The following PROM1 variants were observed in gnomAD, a reference collection of about 807,000 sequenced individuals.
PROM1 encodes the protein prominin 1, also known as prominin-1.
In PROM1, 105 loss-of-function variants were observed where a neutral mutation model predicts 116.9. The observed-to-expected ratio is 0.90, with a 90% CI of 0.77 to 1.06. The LOEUF is 1.06. Among genes scored for constraint, PROM1 ranks in the 50% least tolerant of loss-of-function variants. The pLI is 0.00. For synonymous variants in PROM1, 393 were observed against 387.0 expected, an observed-to-expected ratio of 1.02 and a Z score of -0.18; for missense variants, 1,122 against 1,045.2, an observed-to-expected ratio of 1.07 and a Z score of -1.01.
At chr4:16,051,898 T>C (rs1460433302) in intron 2 of PROM1, among the ~76,000 whole-genome samples, 1 of 152,176 alleles carries the variant, frequency 6.6e-6, no homozygotes, top group Non-Finnish European at 1.5e-5. Flanking sequence ...TCCAAGAAAC[T>C]TCCTAGAATC....
chr4:15,984,193 T>C (rs1186074616), intron 23 of PROM1, 70 bp downstream of exon 23: 31 of 1,208,178 alleles, frequency 2.6e-5, no homozygotes, highest in Non-Finnish European at 3.3e-5. Flanking sequence ...TTATAATGTA[T>C]ATCATAATCC....
chr4:15,978,063 C>T (rs1046666009), intron 26 of PROM1, among the ~76,000 whole-genome samples: 3 of 152,174 alleles, frequency 2.0e-5, no homozygotes, highest in Non-Finnish European at 2.9e-5. Context: ...CCCCAAGGAG[C>T]CAGCTTGCCC....
chr4:16,009,895 A>C (rs1377066342), intron 11 of PROM1, among the ~76,000 whole-genome samples: 1 of 140,334 alleles, frequency 7.1e-6, no homozygotes, highest in Non-Finnish European at 1.5e-5. Context: ...TGTGCCATTC[A>C]TTGTACTCCA....
intron 2 of PROM1, among the ~76,000 whole-genome samples, chr4:16,048,381 T>C (rs1415919695): frequency 6.6e-6 from 1 of 152,218 alleles, no homozygotes; most frequent in Non-Finnish European, 1.5e-5. Context: ...GGCTGTACTT[T>C]TCAGTTTCTC....
rs375795059 is a variant in PROM1, at chr4:16,051,226, A to G, written c.221-12225T>C. On this transcript the variant is annotated intron_variant, in intron 2 of 27. Transcript: ENST00000447510. ...CAACATGACAGGCTGAAGGAAATGC[A>G]AGTAACTGGCACTGCTTAAATAAAA... 1.5e-3 allele frequency among the ~76,000 whole-genome samples: 227 copies of G among 152,372 alleles called. 4 individuals are homozygous for G. The South Asian group carries it at 0.045, about 30-fold the overall frequency.
intron 15 of PROM1, among the ~76,000 whole-genome samples, chr4:15,996,336 C>G (rs1253866457): frequency 1.3e-5 from 2 of 152,084 alleles, no homozygotes; most frequent in African/African-American, 4.8e-5. Context: ...ATGGTGAAAC[C>G]CCATCTCTAC....
At chr4:16,012,439 T>A (rs1727112267) in intron 11 of PROM1, among the ~76,000 whole-genome samples, 1 of 152,276 alleles carries the variant, frequency 6.6e-6, no homozygotes, top group Middle Eastern at 3.4e-3. Context: ...TTGGGTAGAA[T>A]CCTCTCTACA....
Position 15,979,429 on chromosome 4 carries a change from G to A in PROM1, c.2548C>T (p.His850Tyr). The A allele has an allele frequency of 6.2e-7, 1 of 1,612,362 alleles. No individual in the cohort carries two copies. The highest frequency in any genetic ancestry group is 8.5e-7 in the Non-Finnish European group (1 of 1,179,216). The change falls in exon 26 of 28, where the codon CAT becomes TAT. Residue 850 changes from histidine to tyrosine, a missense_variant. Transcript: ENST00000447510. ...ACAGGATTGTGAATACCATATACAT[G>A]ATCTTTATGATAACCATTATTACCA... The part of the protein sequence containing the change: ...ENGNNGYHKD[H>Y]VYGIHNPVMT...
intron 7 of PROM1, 120 bp from the exon 8 acceptor site, chr4:16,023,535 C>T: frequency 1.4e-6 from 1 of 739,556 alleles, no homozygotes; most frequent in Non-Finnish European, 2.2e-6. Flanking sequence ...GCATCCTGGA[C>T]CCTGTCTAGG....
chr4:15,972,691 A>G (rs1373347517), intron 26 of PROM1, among the ~76,000 whole-genome samples: 1 of 152,194 alleles, frequency 6.6e-6, no homozygotes, highest in Non-Finnish European at 1.5e-5. Context: ...TGGAGGATAC[A>G]TTTCTTCAGG....
chr4:15,987,595 AT>A (rs1719779915), intron 20 of PROM1, 67 bp downstream of exon 20: 3 of 1,487,902 alleles, frequency 2.0e-6, no homozygotes, highest in Non-Finnish European at 2.8e-6. Context: ...AAAAATCCAC[AT>A]TTCTAGCATT....
chr4:16,018,558 G>C lies in PROM1; in HGVS notation c.785-18C>G. On this transcript the variant is annotated intron_variant, in intron 8 of 27. Coordinates refer to ENST00000447510, the MANE Select transcript of PROM1 (RefSeq NM_006017.3). ...CTTGATCGCTATGGAAACACAGCCC[G>C]CTTCAGAACACACATGCCAAGTCCC... The C allele has an allele frequency of 6.3e-7, 1 of 1,582,700 alleles. No individual in the cohort carries two copies. Among genetic ancestry groups the C allele is most frequent in the Non-Finnish European group, 8.6e-7 (1 of 1,162,342 alleles).
intron 11 of PROM1, among the ~76,000 whole-genome samples, chr4:16,011,608 A>T (rs1578012976): frequency 6.6e-6 from 1 of 152,364 alleles, no homozygotes; most frequent in East Asian, 1.9e-4. Flanking sequence ...TATGGGCAGG[A>T]GAGGTCCAGA....
At chr4:15,992,075 C>G (rs561862811) in intron 17 of PROM1, among the ~76,000 whole-genome samples, 173 bp downstream of exon 17, 1 of 151,952 alleles carries the variant, frequency 6.6e-6, no homozygotes, top group South Asian at 2.1e-4. Flanking sequence ...ACAGGAACTA[C>G]AGAAGTAGTT....
rs368286473 is a variant in PROM1 at position 16,022,226 on chromosome 4, C to T, written c.784+1100G>A. Among the ~76,000 whole-genome samples the T allele has an allele frequency of 3.8e-4, 58 of 152,140 alleles. 1 individual carries two copies. The South Asian group carries it at 0.011, about 30-fold the overall frequency. On this transcript the variant is annotated intron_variant, in intron 8 of 27. Coordinates refer to ENST00000447510, the MANE Select transcript of PROM1 (RefSeq NM_006017.3). Reference sequence around the variant, plus strand: ...AAAGCCAGGACAGGAAGGCAGGAGGCAATGGTCTCTGAGGTCATATCCCTT... The same window carrying T: ...AAAGCCAGGACAGGAAGGCAGGAGGTAATGGTCTCTGAGGTCATATCCCTT...
intron 7 of PROM1, 84 bp from the exon 8 acceptor site, chr4:16,023,499 A>T: frequency 1.8e-6 from 2 of 1,121,160 alleles, no homozygotes; most frequent in Non-Finnish European, 2.6e-6. Context: ...CACTGCCTCA[A>T]GCCCCTCCTG....
rs1419096046 is a variant in PROM1, at chr4:15,968,738, C to T, written c.*655G>A. ...GTTTCTCTATGATTGCTTTTGCATG[C>T]CATTTCCAAGTGGAACATGGCCAAT... On this transcript the variant is annotated 3_prime_UTR_variant, in exon 28 of 28. Coordinates refer to ENST00000447510, the MANE Select transcript of PROM1 (RefSeq NM_006017.3). 1.3e-5 allele frequency: 2 copies of T among 152,168 alleles called. No individual in the cohort carries two copies. The highest frequency in any genetic ancestry group is 2.4e-5 in the African/African-American group (1 of 41,428). The allele number at this position is 152,168 out of a possible 1,614,324, so 9.4% of individuals were successfully genotyped here.
chr4:16,078,983 C>T (rs77977917), intron 1 of PROM1, among the ~76,000 whole-genome samples: 2,802 of 152,278 alleles, frequency 0.018, 46 homozygotes, highest in Non-Finnish European at 0.024. Context: ...CTTCAGGTTA[C>T]GCCCACCGTC....
At chr4:16,066,907 C>T (rs116447403) in intron 2 of PROM1, among the ~76,000 whole-genome samples, 2,849 of 152,168 alleles carry the variant, frequency 0.019, 40 homozygotes, top group Middle Eastern at 0.037. Flanking sequence ...GTGCATAGCC[C>T]GCCTCGATTA....
Sources: gnomAD v4.1 joint callset for allele counts (sites outside exome capture counted in the v4.1 genomes callset) on GRCh38, gnomAD v4.1.1 for gene constraint, MANE v1.5 for transcripts, NCBI Gene and HGNC (gene_info 2026-07-23, HGNC 2026-07-21) for gene names.